The following TXLNG variants were observed in gnomAD, a reference collection of about 807,000 sequenced individuals.
TXLNG encodes the protein gamma-taxilin.
A neutral mutation model predicts 38.8 loss-of-function variants in TXLNG; 5 were observed. The observed-to-expected ratio is 0.13, with a 90% confidence interval of 0.07 to 0.27. The LOEUF (loss-of-function observed/expected upper bound fraction) is 0.27, where lower values mean the gene tolerates loss of function less well. Among genes scored for constraint, TXLNG ranks in the 10% least tolerant of loss-of-function variants. The pLI is 1.00. For missense variants in TXLNG, 393 were observed against 398.2 expected (o/e 0.99, Z 0.11); for synonymous variants, 182 against 158.2 (o/e 1.15, Z -1.13).
intron 1 of TXLNG, among the ~76,000 whole-genome samples, chrX:16,791,271 G>A (rs1927693764): frequency 8.9e-6 from 1 of 111,938 alleles, no homozygotes; most frequent in Admixed American, 9.6e-5. Context: ...TTGGGCAAGA[G>A]TATGGGGGCA....
At chrX:16,822,453 C>T (rs1288800576) in intron 3 of TXLNG, among the ~76,000 whole-genome samples, 1 of 111,666 alleles carries the variant, frequency 9.0e-6, no homozygotes, top group Non-Finnish European at 1.9e-5. Context: ...AGCAACAGGA[C>T]GCCCTGTGCA....
intron 1 of TXLNG, among the ~76,000 whole-genome samples, chrX:16,806,885 C>T (rs1423366518): frequency 2.9e-5 from 3 of 103,116 alleles, no homozygotes; most frequent in Non-Finnish European, 5.9e-5. Flanking sequence ...CCACTGCACT[C>T]CATCCTGGGG....
At chrX:16,825,662 T>TTG (rs1480786361) in intron 3 of TXLNG, among the ~76,000 whole-genome samples, 1 of 112,325 alleles carries the variant, frequency 8.9e-6, no homozygotes, top group Non-Finnish European at 1.9e-5. Flanking sequence ...TGTGGTATGT[T>TTG]TGTGTGTGTG....
rs368687362 is a variant in TXLNG, at chrX:16,840,704, G to A, written c.1249-724G>A. 5.4e-5 allele frequency among the ~76,000 whole-genome samples: 6 copies of A among 110,834 alleles called. No individual in the cohort carries two copies. The East Asian group carries it at 1.4e-3, about 27-fold the overall frequency. On this transcript the variant is annotated intron_variant, in intron 9 of 9. Coordinates refer to ENST00000380122, the MANE Select transcript of TXLNG (RefSeq NM_018360.3). ...GGAGAATTGCTTGAACCTGGGAGGC[G>A]GAGGTTGCAGTGAGCTGAGATTGCA...
chrX:16,808,608 CA>C (rs1393689868), intron 1 of TXLNG, among the ~76,000 whole-genome samples: 3 of 111,570 alleles, frequency 2.7e-5, no homozygotes, highest in Admixed American at 1.9e-4. Flanking sequence ...TCTGCTCATA[CA>C]TTTATACCTC....
At chrX:16,836,642 T>C (rs1318698298) in intron 7 of TXLNG, among the ~76,000 whole-genome samples, 1 of 112,379 alleles carries the variant, frequency 8.9e-6, no homozygotes, top group Non-Finnish European at 1.9e-5. Flanking sequence ...ACCATCATAT[T>C]CCACCCTGCC....
chrX:16,786,480 G>A lies in TXLNG; in HGVS notation c.-8G>A. ...TCGGGCCGCTTGTTTGGCTGCTGCC[G>A]TCACCTCATGGCGACGCGGGTAGAG... On this transcript the variant is annotated 5_prime_UTR_variant, in exon 1 of 10. Transcript: ENST00000380122. The A allele has an allele frequency of 9.0e-7, 1 of 1,113,771 alleles. No individual in the cohort carries two copies. Among genetic ancestry groups the A allele is most frequent in the Admixed American group, 3.1e-5 (1 of 31,812 alleles). The allele number at this position is 1,113,771 out of a possible 1,213,427, so 91.8% of individuals were successfully genotyped here.
At chrX:16,813,406 C>G (rs996094484) in intron 1 of TXLNG, among the ~76,000 whole-genome samples, 3 of 109,315 alleles carry the variant, frequency 2.7e-5, no homozygotes, top group African/African-American at 1.0e-4. Flanking sequence ...CCCTGGGAGA[C>G]TGAAGCAAGA....
At chrX:16,805,452 C>T (rs1362283142) in intron 1 of TXLNG, among the ~76,000 whole-genome samples, 2 of 35,229 alleles carry the variant, frequency 5.7e-5, no homozygotes, top group Non-Finnish European at 1.7e-4. Flanking sequence ...AAAGAAAGGC[C>T]TTCTTCATGC....
At chrX:16,808,743 A>G (rs915900127) in intron 1 of TXLNG, among the ~76,000 whole-genome samples, 12 of 111,706 alleles carry the variant, frequency 1.1e-4, no homozygotes, top group Non-Finnish European at 1.7e-4. Context: ...ATGGTACTCA[A>G]TTGGATGGAT....
intron 8 of TXLNG, among the ~76,000 whole-genome samples, chrX:16,838,853 G>T (rs1929695375): frequency 8.9e-6 from 1 of 111,908 alleles, no homozygotes; most frequent in Admixed American, 9.5e-5. Flanking sequence ...ATTCCTCTCT[G>T]TCCGTGGCTG....
intron 1 of TXLNG, among the ~76,000 whole-genome samples, chrX:16,805,873 A>G (rs778756877): frequency 8.9e-6 from 1 of 112,737 alleles, no homozygotes; most frequent in East Asian, 2.8e-4. Context: ...GTAATATTTT[A>G]TCTGTTAAAA....
At chrX:16,836,665 C>T (rs748469374) in intron 7 of TXLNG, among the ~76,000 whole-genome samples, 21 of 112,484 alleles carry the variant, frequency 1.9e-4, no homozygotes, top group African/African-American at 6.1e-4. Context: ...GCATCCTGTG[C>T]GCTAGGTGGT....
intron 4 of TXLNG, 129 bp from the exon 5 acceptor site, chrX:16,829,447 G>C: frequency 1.6e-6 from 1 of 609,685 alleles, no homozygotes; most frequent in East Asian, 3.6e-5. Flanking sequence ...CATAAATAAG[G>C]GGGAGGAATT....
Position 16,804,977 on chromosome X carries a change from C to A in TXLNG, c.103-13597C>A, listed in dbSNP as rs1388238625. Among the ~76,000 whole-genome samples the A allele has an allele frequency of 4.9e-4, 4 of 8,234 alleles. 1 individual carries two copies. The highest frequency in any genetic ancestry group is 8.7e-4 in the Non-Finnish European group (4 of 4,619). The allele number at this position is 8,234 out of a possible 115,157, so 7.2% of individuals were successfully genotyped here. On this transcript the variant is annotated intron_variant, in intron 1 of 9. Transcript: ENST00000380122. ...CCAGTCACCACCACTGCCCACCCCCCCCCCCCGCTTTTTTTTTTTTTTTTT... is the reference window on the plus strand; with the variant it reads ...CCAGTCACCACCACTGCCCACCCCCACCCCCCGCTTTTTTTTTTTTTTTTT...
In TXLNG at chrX:16,797,498, T is replaced by G. The variant is rs768793790; in HGVS notation, c.102+10909T>G. Reference sequence around the variant, plus strand: ...AAAGATCCACTTCCCAGCTCACTCTTGTGGCTGTTGGCAGGATTCAATTCC... The same window carrying G: ...AAAGATCCACTTCCCAGCTCACTCTGGTGGCTGTTGGCAGGATTCAATTCC... On this transcript the variant is annotated intron_variant, in intron 1 of 9. Transcript: ENST00000380122. Among the ~76,000 whole-genome samples the G allele has an allele frequency of 2.0e-4, 22 of 111,889 alleles. No individual in the cohort carries two copies. The East Asian group carries it at 6.2e-3, about 32-fold the overall frequency.
intron 1 of TXLNG, among the ~76,000 whole-genome samples, chrX:16,788,457 G>A (rs773059808): frequency 9.0e-6 from 1 of 111,258 alleles, no homozygotes; most frequent in African/African-American, 3.3e-5. Flanking sequence ...CTAACTGACA[G>A]TGACGGCATT....
intron 1 of TXLNG, among the ~76,000 whole-genome samples, chrX:16,787,615 A>C (rs1490542973): frequency 9.0e-6 from 1 of 110,683 alleles, no homozygotes; most frequent in Non-Finnish European, 1.9e-5. Flanking sequence ...AGTTTGAAAA[A>C]GATTGCACAA....
chrX:16,830,894 C>T (rs1355858157), intron 5 of TXLNG, among the ~76,000 whole-genome samples: 1 of 38,228 alleles, frequency 2.6e-5, no homozygotes, highest in Non-Finnish European at 4.1e-5. Context: ...TGTATAGAGA[C>T]AGTTTCTTGC....
Sources: allele counts gnomAD v4.1 joint callset (sites outside exome capture counted in the v4.1 genomes callset), GRCh38; gene constraint gnomAD v4.1.1; transcripts MANE v1.5; gene names NCBI Gene and HGNC (gene_info 2026-07-23, HGNC 2026-07-21).